Variants in ATG2A observed in about 807,000 individuals in gnomAD.
ATG2A encodes the protein autophagy-related protein 2 homolog A.
ATG2A carries 103 observed loss-of-function variants against 214.2 expected under a neutral mutation model. The ratio of observed to expected loss-of-function variants is 0.48; its 90% confidence interval spans 0.41 to 0.57. The LOEUF is 0.57. Among genes scored for constraint, ATG2A ranks in the 20% least tolerant of loss-of-function variants. The probability of loss-of-function intolerance (pLI) is 0.00; values close to 1 mark genes in which losing one functional copy is unlikely to be tolerated. For missense variants in ATG2A, 2,312 were observed against 2,613.2 expected, an observed-to-expected ratio of 0.88 and a Z score of 2.51; for synonymous variants, 1,160 against 1,142.1, an observed-to-expected ratio of 1.02 and a Z score of -0.32.
Position 64,894,957 on chromosome 11 carries a change from G to A in ATG2A, c.*16C>T, listed in dbSNP as rs771865720. The A allele has an allele frequency of 1.2e-6, 2 of 1,610,962 alleles. No homozygotes were observed. The highest frequency in any genetic ancestry group is 1.7e-6 in the Non-Finnish European group (2 of 1,178,646). ...GCATGGTGGGCAGCACCCTCTGGGT[G>A]CCGGGCACCCCAGGCTCAGTCTTGG... On this transcript the variant is annotated 3_prime_UTR_variant, in exon 41 of 41. Coordinates refer to ENST00000377264, the MANE Select transcript of ATG2A (RefSeq NM_015104.3).
At position 64,906,435 on chromosome 11, in the gene ATG2A, C is replaced by T. The variant is rs117361031; in HGVS notation, c.3082G>A (p.Val1028Met). Residue 1028 changes from valine to methionine, a missense_variant, in exon 21 of 41, where the codon GTG (valine) becomes ATG (methionine). Coordinates refer to ENST00000377264, the MANE Select transcript of ATG2A (RefSeq NM_015104.3). ...CGGCCCGAGGCTCCCCGCTCGGTCA[C>T]CCCTTCCTCCGATGGGTAGATGGTT... The part of the protein sequence containing the change: ...APTIYPSEEG[V>M]TERGASGRKG... 9.4e-3 allele frequency: 15,084 copies of T among 1,613,220 alleles called. 192 individuals carry two copies. Among genetic ancestry groups the T allele is most frequent in the Non-Finnish European group, 8.5e-3 (10,062 of 1,179,990 alleles).
Position 64,900,981 on chromosome 11 carries a change from G to C in ATG2A, c.4231C>G (p.His1411Asp). ...GSTDLLRAPAHFPVPSTRVVL... is the reference protein window; with the variant it reads ...GSTDLLRAPADFPVPSTRVVL... ...ACCCGAGTGCTGGGCACTGGGAAATGGGCAGGTGCCCGCAGCAAGTCCGTG... is the reference window on the plus strand; with the variant it reads ...ACCCGAGTGCTGGGCACTGGGAAATCGGCAGGTGCCCGCAGCAAGTCCGTG... The change falls in exon 30 of 41, where the codon CAT becomes GAT. Residue 1411 changes from histidine to aspartate, a missense_variant. Physicochemically the swap from His to Asp is moderately conservative, Grantham distance 81 (BLOSUM62 -1). Coordinates refer to ENST00000377264, the MANE Select transcript of ATG2A (RefSeq NM_015104.3). The C allele has an allele frequency of 6.3e-7, 1 of 1,588,636 alleles. No individual in the cohort carries two copies. The highest frequency in any genetic ancestry group is 2.3e-5 in the East Asian group (1 of 43,242).
chr11:64,897,241 G>A (rs1175576215), intron 37 of ATG2A, 171 bp downstream of exon 37: 8 of 755,936 alleles, frequency 1.1e-5, no homozygotes, highest in African/African-American at 8.8e-5. Context: ...GGCTGGTCTC[G>A]AATGCCTGAA....
chr11:64,903,376 G>A lies in ATG2A; in HGVS notation c.3536-12C>T, dbSNP rs373615092. 35 of 1,613,800 alleles carry A rather than the reference G, an allele frequency of 2.2e-5. No individual in the cohort carries two copies. In the African/African-American group the frequency reaches 4.5e-4, roughly 21 times the overall value. ...AACACAGACATAATCTGCAGCAGAG[G>A]CGAGAGAAAGGTCCTGTGGCCCCCT... On this transcript the variant is annotated splice_polypyrimidine_tract_variant and intron_variant, in intron 25 of 40. Coordinates refer to ENST00000377264, the MANE Select transcript of ATG2A (RefSeq NM_015104.3). This position sits in a 1 kb window ranked among gnomAD's most constrained non-coding sequence, Gnocchi z 4.2.
At position 64,913,168 on chromosome 11, in the gene ATG2A, T is replaced by G; in HGVS notation, c.727-32A>C. 1 of 1,596,816 alleles carries G rather than the reference T, an allele frequency of 6.3e-7. No homozygotes were observed. The highest frequency in any genetic ancestry group is 8.5e-7 in the Non-Finnish European group (1 of 1,170,432). On this transcript the variant is annotated intron_variant, in intron 5 of 40. Transcript: ENST00000377264. This position sits in a 1 kb window ranked among gnomAD's most constrained non-coding sequence, Gnocchi z 4.3. ...GACGGGAGGATACAAGAGGGAAAGG[T>G]TGAGAAAATGGAGTCAGAGATGGTC...
chr11:64,897,153 G>A, intron 37 of ATG2A: 1 of 616,042 alleles, frequency 1.6e-6, no homozygotes, highest in African/African-American at 1.8e-5. Context: ...GAGTAGCTGG[G>A]ATTACATGTG....
At chr11:64,916,445 G>A (rs1024969419) in intron 1 of ATG2A, among the ~76,000 whole-genome samples, 1 of 152,182 alleles carries the variant, frequency 6.6e-6, no homozygotes, top group Non-Finnish European at 1.5e-5. Context: ...GTACTGACGC[G>A]GTTGTTGACA....
chr11:64,896,250 C>T (rs1360191900), intron 39 of ATG2A, among the ~76,000 whole-genome samples: 1 of 152,276 alleles, frequency 6.6e-6, no homozygotes, highest in Non-Finnish European at 1.5e-5. Context: ...CACTCCCGCT[C>T]CTGCATGGGA....
intron 29 of ATG2A, among the ~76,000 whole-genome samples, chr11:64,901,484 G>A (rs1455961557): frequency 1.3e-5 from 2 of 151,944 alleles, no homozygotes; most frequent in African/African-American, 4.8e-5. Flanking sequence ...ACCATGCTTG[G>A]CCTCCTCCCT....
At chr11:64,906,588 C>A in intron 20 of ATG2A, 55 bp from the exon 21 acceptor site, 1 of 1,608,828 alleles carries the variant, frequency 6.2e-7, no homozygotes, top group Non-Finnish European at 8.5e-7. Flanking sequence ...CCACTCCACC[C>A]AGGGCCCACA....
intron 27 of ATG2A, 59 bp from the exon 28 acceptor site, chr11:64,902,445 G>A (rs1243624479): frequency 4.6e-6 from 7 of 1,528,264 alleles, no homozygotes; most frequent in Admixed American, 2.0e-5. Flanking sequence ...CCAACCCCAG[G>A]CCCGAGGGCC....
intron 30 of ATG2A, 67 bp from the exon 31 acceptor site, chr11:64,900,696 C>T: frequency 6.7e-7 from 1 of 1,496,198 alleles, no homozygotes; most frequent in Admixed American, 2.3e-5. Flanking sequence ...CTCAGCGGGC[C>T]TTTTAGCCTG....
Position 64,895,095 on chromosome 11 carries a change from T to G in ATG2A, c.5695A>C (p.Lys1899Gln). Residue 1899 changes from lysine (K) to glutamine (Q), a missense_variant, in exon 41 of 41, where the codon AAG becomes CAG. Lys to Gln is a moderately conservative substitution (Grantham distance 53). Coordinates refer to ENST00000377264, the MANE Select transcript of ATG2A (RefSeq NM_015104.3). The surrounding 1 kb of genome is among the most constrained non-coding windows in gnomAD (Gnocchi z 5.0). ...VIRQLPPTVVKPLILATEATS... is the reference protein window; with the variant it reads ...VIRQLPPTVVQPLILATEATS... ...GCCTCCGTGGCCAGGATGAGCGGCT[T>G]CACCACAGTCGGGGGCAGCTGGCGG... The G allele has an allele frequency of 6.8e-6, 11 of 1,613,068 alleles. No individual in the cohort carries two copies. Among genetic ancestry groups the G allele is most frequent in the Non-Finnish European group, 9.3e-6 (11 of 1,179,802 alleles).
At position 64,914,374 on chromosome 11, in the gene ATG2A, C is replaced by T. The variant is rs374117008; in HGVS notation, c.298G>A (p.Gly100Ser). The change falls in exon 2 of 41, where the codon GGC (glycine) becomes AGC (serine). Residue 100 changes from glycine to serine, a missense_variant. Transcript: ENST00000377264. Reference sequence around the variant, plus strand: ...CGGGGCTGCAAGGTGAGCTGGAGGCCGGACACGCGCACTGTGCAGTGGTCG... The same window carrying T: ...CGGGGCTGCAAGGTGAGCTGGAGGCTGGACACGCGCACTGTGCAGTGGTCG... ...LTDHCTVRVS[G>S]LQLTLQPRRG... 4.3e-5 allele frequency: 69 copies of T among 1,609,906 alleles called. No homozygotes were observed. Among genetic ancestry groups the T allele is most frequent in the Non-Finnish European group, 5.3e-5 (62 of 1,178,818 alleles).
rs751897558 is a variant in ATG2A at position 64,900,970 on chromosome 11, C to T, written c.4242G>A (p.Val1414=). 4.4e-6 allele frequency: 7 copies of T among 1,586,198 alleles called. No individual in the cohort carries two copies. The highest frequency in any genetic ancestry group is 3.3e-4 in the Middle Eastern group (2 of 6,058). The change falls in exon 30 of 41, where the codon GTG becomes GTA. Residue 1414 remains valine, a synonymous_variant. Coordinates refer to ENST00000377264, the MANE Select transcript of ATG2A (RefSeq NM_015104.3). The part of the protein sequence containing the change: ...DLLRAPAHFP[V]PSTRVVLREV... ...CACGTAGCACCACCCGAGTGCTGGG[C>T]ACTGGGAAATGGGCAGGTGCCCGCA... is the stretch of plus-strand genomic sequence containing the variant.
At chr11:64,908,489 T>C (rs1184635690) in intron 16 of ATG2A, among the ~76,000 whole-genome samples, 6 of 148,982 alleles carry the variant, frequency 4.0e-5, no homozygotes, top group Non-Finnish European at 4.5e-5. Context: ...GAGGCGGAGG[T>C]TGCGGTGAGC....
rs778551619 is a variant in ATG2A, at chr11:64,915,973, C to T, written c.171+992G>A. 8.9e-4 allele frequency among the ~76,000 whole-genome samples: 135 copies of T among 152,314 alleles called. No individual in the cohort carries two copies. The Middle Eastern group carries it at 0.014, about 15-fold the overall frequency. ...CTACCCCACATTTGCTCACCAGGGC[C>T]TGGCCTACCCCCAAAGCCTAGCTCT... On this transcript the variant is annotated intron_variant, in intron 1 of 40. Coordinates refer to ENST00000377264, the MANE Select transcript of ATG2A (RefSeq NM_015104.3).
At chr11:64,896,979 A>T in intron 37 of ATG2A, 110 bp from the exon 38 acceptor site, 2 of 1,435,284 alleles carry the variant, frequency 1.4e-6, no homozygotes. Context: ...TGGGCACTCT[A>T]CCCTCCCTGT....
Position 64,910,970 on chromosome 11 carries a change from C to G in ATG2A, c.1467-16G>C, listed in dbSNP as rs778091840. The G allele has an allele frequency of 1.2e-6, 2 of 1,613,472 alleles. No homozygotes were observed. Among genetic ancestry groups the G allele is most frequent in the Non-Finnish European group, 8.5e-7 (1 of 1,180,032 alleles). On this transcript the variant is annotated splice_polypyrimidine_tract_variant and intron_variant, in intron 10 of 40. Coordinates refer to ENST00000377264, the MANE Select transcript of ATG2A (RefSeq NM_015104.3). ...GCCCGTTAGCCTGCGGGGAAGAGGA[C>G]AGGCGTCAGAAGGTGCACTTAGGGG...
Sources: gnomAD v4.1 joint callset for allele counts (sites outside exome capture counted in the v4.1 genomes callset) on GRCh38, gnomAD v4.1.1 for gene constraint, Gnocchi (gnomAD v3.1) non-coding constraint, MANE v1.5 for transcripts, NCBI Gene and HGNC (gene_info 2026-07-23, HGNC 2026-07-21) for gene names.